The following FHIT variants were observed in gnomAD, a reference collection of about 807,000 sequenced individuals.
FHIT encodes the protein fragile histidine triad diadenosine triphosphatase.
In FHIT, 19 loss-of-function variants were observed where a neutral mutation model predicts 17.9. That is an observed-to-expected ratio of 1.06 (90% CI 0.74 to 1.56). The LOEUF is 1.56. Among genes scored for constraint, FHIT ranks in the 40% most tolerant of loss-of-function variants. The pLI is 0.00. For synonymous variants in FHIT, 81 were observed against 69.7 expected (o/e 1.16, Z -0.81); for missense variants, 248 against 189.2 (o/e 1.31, Z -1.82).
chr3:60,759,378 G>A (rs1699555993), intron 4 of FHIT, among the ~76,000 whole-genome samples: 1 of 152,214 alleles, frequency 6.6e-6, no homozygotes, highest in South Asian at 2.1e-4. Flanking sequence ...AAGGGAACAT[G>A]AGTAGGCATG....
chr3:60,347,961 G>A (rs1710881294), intron 5 of FHIT, among the ~76,000 whole-genome samples: 1 of 152,040 alleles, frequency 6.6e-6, no homozygotes, highest in Non-Finnish European at 1.5e-5. Context: ...GTTTCACCAT[G>A]TTGGCCAGGC....
chr3:61,205,375 T>G (rs2039189724), intron 1 of FHIT, among the ~76,000 whole-genome samples: 1 of 152,316 alleles, frequency 6.6e-6, no homozygotes, highest in East Asian at 1.9e-4. Flanking sequence ...TATCTAGTTC[T>G]AGATCCCTGA....
At chr3:60,144,395 T>C (rs1230276530) in intron 5 of FHIT, among the ~76,000 whole-genome samples, 2 of 152,172 alleles carry the variant, frequency 1.3e-5, no homozygotes, top group African/African-American at 4.8e-5. Flanking sequence ...TTTATTCATT[T>C]CTCCAACCAA....
chr3:60,183,653 G>C (rs1426608943), intron 5 of FHIT, among the ~76,000 whole-genome samples: 1 of 152,022 alleles, frequency 6.6e-6, no homozygotes, highest in Non-Finnish European at 1.5e-5. Flanking sequence ...ACAATGCCAA[G>C]TCAATCAAGG....
chr3:59,805,161 C>T (rs2107005634), intron 8 of FHIT, among the ~76,000 whole-genome samples: 1 of 152,276 alleles, frequency 6.6e-6, no homozygotes, highest in South Asian at 2.1e-4. Flanking sequence ...GTGTCCTGCT[C>T]TGTGGGCACT....
intron 2 of FHIT, among the ~76,000 whole-genome samples, chr3:61,188,626 C>A (rs909903294): frequency 6.6e-6 from 1 of 151,350 alleles, no homozygotes; most frequent in Non-Finnish European, 1.5e-5. Flanking sequence ...AGAGACACAA[C>A]AAAAAAAGAG....
chr3:60,695,794 T>C (rs1197966093), intron 4 of FHIT, among the ~76,000 whole-genome samples: 1 of 152,184 alleles, frequency 6.6e-6, no homozygotes, highest in African/African-American at 2.4e-5. Context: ...ATTTAACTTC[T>C]TTGTACCTCA....
intron 6 of FHIT, among the ~76,000 whole-genome samples, chr3:60,013,526 T>C (rs1700219728): frequency 6.6e-6 from 1 of 152,168 alleles, no homozygotes; most frequent in Non-Finnish European, 1.5e-5. Flanking sequence ...CACTGGTCAG[T>C]GGGCCACACC....
intron 5 of FHIT, among the ~76,000 whole-genome samples, chr3:60,311,409 A>G (rs979132049): frequency 6.6e-6 from 1 of 152,178 alleles, no homozygotes; most frequent in South Asian, 2.1e-4. Flanking sequence ...AGACACACAC[A>G]TATCTCTTTG....
chr3:60,496,349 A>G (rs1020636698), intron 5 of FHIT, among the ~76,000 whole-genome samples: 1 of 152,168 alleles, frequency 6.6e-6, no homozygotes, highest in Non-Finnish European at 1.5e-5. Flanking sequence ...CAAAGAATAC[A>G]CACAAGCAAT....
chr3:59,913,837 T>C (rs1048886870), intron 8 of FHIT, among the ~76,000 whole-genome samples: 4 of 152,148 alleles, frequency 2.6e-5, no homozygotes, highest in Non-Finnish European at 5.9e-5. Flanking sequence ...TAAACCACTA[T>C]GTTGACTCAA....
intron 5 of FHIT, among the ~76,000 whole-genome samples, chr3:60,412,445 A>C (rs368302771): frequency 6.6e-5 from 10 of 152,164 alleles, no homozygotes; most frequent in African/African-American, 2.2e-4. Flanking sequence ...GCCAGGATTT[A>C]AATTTTATTT....
intron 5 of FHIT, among the ~76,000 whole-genome samples, chr3:60,168,958 TG>T (rs1340148213): frequency 3.3e-5 from 5 of 152,196 alleles, no homozygotes; most frequent in Admixed American, 2.0e-4. Context: ...GGATGTGTGC[TG>T]CTATATTCAC....
intron 5 of FHIT, among the ~76,000 whole-genome samples, chr3:60,111,783 T>C (rs908069773): frequency 1.3e-5 from 2 of 152,232 alleles, no homozygotes; most frequent in African/African-American, 4.8e-5. Context: ...ACCTCAGCTT[T>C]GTATCCACAT....
intron 5 of FHIT, among the ~76,000 whole-genome samples, chr3:60,374,616 G>A (rs1307809819): frequency 6.7e-6 from 1 of 149,930 alleles, no homozygotes; most frequent in Non-Finnish European, 1.5e-5. Context: ...CTACAACACG[G>A]CCTCTTAGGC....
chr3:60,432,323 T>C (rs938499457), intron 5 of FHIT, among the ~76,000 whole-genome samples: 8 of 151,986 alleles, frequency 5.3e-5, no homozygotes, highest in African/African-American at 1.9e-4. Flanking sequence ...TTTTGACACA[T>C]TGTAGGCACT....
intron 8 of FHIT, among the ~76,000 whole-genome samples, chr3:59,899,060 A>G: frequency 6.6e-6 from 1 of 152,164 alleles, no homozygotes; most frequent in East Asian, 1.9e-4. Context: ...TTACAAGGCG[A>G]CATCCCTCTT....
intron 5 of FHIT, among the ~76,000 whole-genome samples, chr3:60,063,175 C>T (rs1157902529): frequency 6.6e-6 from 1 of 152,110 alleles, no homozygotes; most frequent in Non-Finnish European, 1.5e-5. Context: ...TTTAACTTCT[C>T]ATGAACTGTG....
At chr3:61,053,972 C>T (rs369365508) in intron 2 of FHIT, among the ~76,000 whole-genome samples, 23 of 152,266 alleles carry the variant, frequency 1.5e-4, no homozygotes, top group East Asian at 5.8e-4. Context: ...GGTAAGCAAG[C>T]GCTGGGAAAG....
Sources: gnomAD v4.1 joint callset for allele counts (sites outside exome capture counted in the v4.1 genomes callset) on GRCh38, gnomAD v4.1.1 for gene constraint, MANE v1.5 for transcripts, NCBI Gene and HGNC (gene_info 2026-07-23, HGNC 2026-07-21) for gene names.